The following ERC2 variants were observed in gnomAD, a reference collection of about 807,000 sequenced individuals.
ERC2 encodes the protein ERC protein 2.
In ERC2, 42 loss-of-function variants were observed where a neutral mutation model predicts 114.8. The observed-to-expected ratio is 0.37, with a 90% CI of 0.29 to 0.47. The LOEUF is 0.47. ERC2 is among the 20% of genes least tolerant of loss of function. The pLI is 0.99. For missense variants in ERC2, 939 were observed against 1,150.7 expected, an observed-to-expected ratio of 0.82 and a Z score of 2.66; for synonymous variants, 454 against 425.5, an observed-to-expected ratio of 1.07 and a Z score of -0.82.
intron 17 of ERC2, among the ~76,000 whole-genome samples, chr3:55,539,262 A>G (rs1381512766): frequency 6.6e-6 from 1 of 152,164 alleles, no homozygotes; most frequent in Non-Finnish European, 1.5e-5. Context: ...CATGTTCATC[A>G]GGTTGAGGCT....
intron 7 of ERC2, among the ~76,000 whole-genome samples, chr3:56,043,999 C>T (rs1282353420): frequency 1.3e-5 from 2 of 152,140 alleles, no homozygotes; most frequent in Admixed American, 1.3e-4. Flanking sequence ...CTCAGGAATG[C>T]TTCTTAAGTA....
In ERC2 at chr3:55,776,604, G is replaced by C. The variant is rs1054604136; in HGVS notation, c.2565-41686C>G. Among the ~76,000 whole-genome samples, 8 of 152,276 alleles carry C rather than the reference G, an allele frequency of 5.3e-5. 2 individuals carry two copies. The South Asian group carries it at 1.5e-3, about 28-fold the overall frequency. On this transcript the variant is annotated intron_variant, in intron 14 of 17. Transcript: ENST00000288221. ...GTTACTCATGTGAGCCTGGGGGTAC[G>C]GAAAGGGGCTGGGAAGGGTCAAGCT...
Position 55,957,735 on chromosome 3 carries a change from G to C in ERC2, c.2268-7175C>G, listed in dbSNP as rs143079321. ...TGTTCCAGCTGCAGTGGGGAGGAGG[G>C]GGGGGCAGCTCCAGGCGCCTGCTCC... On this transcript the variant is annotated intron_variant, in intron 12 of 17. Transcript: ENST00000288221. Among the ~76,000 whole-genome samples the C allele has an allele frequency of 5.0e-3, 760 of 152,302 alleles. 2 individuals carry two copies. Among genetic ancestry groups the C allele is most frequent in the Middle Eastern group, 0.01 (3 of 294 alleles).
chr3:55,668,392 A>G (rs1194441000), intron 17 of ERC2, among the ~76,000 whole-genome samples: 3 of 152,214 alleles, frequency 2.0e-5, no homozygotes, highest in African/African-American at 7.2e-5. Context: ...AAAATGGGGC[A>G]ACCTAAGACC....
At chr3:55,845,235 T>C (rs1323993390) in intron 14 of ERC2, among the ~76,000 whole-genome samples, 1 of 152,128 alleles carries the variant, frequency 6.6e-6, no homozygotes, top group Non-Finnish European at 1.5e-5. Context: ...CCAGGCGCGG[T>C]GGCTCACGCC....
At chr3:56,143,285 G>A (rs1045512039) in intron 5 of ERC2, among the ~76,000 whole-genome samples, 2 of 152,124 alleles carry the variant, frequency 1.3e-5, no homozygotes, top group African/African-American at 2.4e-5. Context: ...GAAAACCAGA[G>A]CTCAAGTTCA....
In ERC2 at chr3:55,508,720, T is replaced by A. The variant is rs1297954946; in HGVS notation, c.*2596A>T. Reference sequence around the variant, plus strand: ...TCATAAACACTGTTTAAAAAGTAAATTGAAACCCACTTTCAAATGAAAGTT... The same window carrying A: ...TCATAAACACTGTTTAAAAAGTAAAATGAAACCCACTTTCAAATGAAAGTT... On this transcript the variant is annotated 3_prime_UTR_variant, in exon 18 of 18. Coordinates refer to ENST00000288221, the MANE Select transcript of ERC2 (RefSeq NM_015576.3). 1 of 152,438 alleles carries A rather than the reference T, an allele frequency of 6.6e-6. No homozygotes were observed. 9.4% of individuals were successfully genotyped at this position (152,438 alleles called of 1,614,324 possible). A position where few individuals can be genotyped will look rare whatever the true frequency, so the allele number is the denominator to read the frequency against.
intron 17 of ERC2, among the ~76,000 whole-genome samples, chr3:55,585,701 G>A (rs964462193): frequency 6.6e-6 from 1 of 152,172 alleles, no homozygotes; most frequent in African/African-American, 2.4e-5. Context: ...AGTCATCCAG[G>A]CCAAGGGTAA....
intron 14 of ERC2, among the ~76,000 whole-genome samples, chr3:55,812,736 T>C (rs2059766328): frequency 6.6e-6 from 1 of 152,228 alleles, no homozygotes; most frequent in South Asian, 2.1e-4. Flanking sequence ...GTCATGGGTG[T>C]ATCTCAGGGC....
At chr3:55,747,370 G>A (rs1266361301) in intron 14 of ERC2, among the ~76,000 whole-genome samples, 1 of 152,024 alleles carries the variant, frequency 6.6e-6, no homozygotes, top group Non-Finnish European at 1.5e-5. Flanking sequence ...GACAGTCTCA[G>A]CATTTCTGTA....
intron 2 of ERC2, among the ~76,000 whole-genome samples, chr3:56,298,467 A>G (rs1001446309): frequency 2.6e-5 from 4 of 152,186 alleles, no homozygotes; most frequent in Non-Finnish European, 4.4e-5. Context: ...TTAACAACCC[A>G]TTTGTCAATC....
chr3:56,111,680 A>C (rs1042129757), intron 6 of ERC2, among the ~76,000 whole-genome samples: 1 of 152,328 alleles, frequency 6.6e-6, no homozygotes, highest in Admixed American at 6.5e-5. Context: ...AAATTCATTC[A>C]TAGGATTTCA....
chr3:56,216,829 G>A (rs2049512811), intron 3 of ERC2, among the ~76,000 whole-genome samples: 1 of 152,142 alleles, frequency 6.6e-6, no homozygotes, highest in South Asian at 2.1e-4. Context: ...ATGCAAGGCT[G>A]GTTCAACAAA....
intron 15 of ERC2, among the ~76,000 whole-genome samples, chr3:55,731,880 C>G (rs562244920): frequency 6.6e-6 from 1 of 152,302 alleles, no homozygotes; most frequent in Non-Finnish European, 1.5e-5. Flanking sequence ...GCAGAACCCA[C>G]TGTTTATGAA....
intron 13 of ERC2, among the ~76,000 whole-genome samples, chr3:55,897,039 G>A (rs62253667): frequency 0.099 from 15,072 of 152,202 alleles, 906 homozygotes; most frequent in South Asian, 0.16. Flanking sequence ...CAGTGTTTAC[G>A]CATGGCTCTG....
intron 14 of ERC2, among the ~76,000 whole-genome samples, chr3:55,759,037 A>T (rs2067242145): frequency 6.6e-6 from 1 of 152,188 alleles, no homozygotes; most frequent in Non-Finnish European, 1.5e-5. Context: ...TTGCAGAGGA[A>T]TTTTAATTTG....
chr3:55,973,903 T>C (rs1194894703), intron 12 of ERC2, among the ~76,000 whole-genome samples: 1 of 152,222 alleles, frequency 6.6e-6, no homozygotes, highest in East Asian at 1.9e-4. Flanking sequence ...AAAAATAGCA[T>C]TTAAAATGTA....
chr3:55,637,696 G>T (rs1386830324), intron 17 of ERC2, among the ~76,000 whole-genome samples: 3 of 151,972 alleles, frequency 2.0e-5, no homozygotes, highest in Non-Finnish European at 4.4e-5. Context: ...AGTTTTTTTT[G>T]TTAACTCCCT....
intron 17 of ERC2, among the ~76,000 whole-genome samples, chr3:55,517,816 G>A (rs2052634860): frequency 6.6e-6 from 1 of 152,220 alleles, no homozygotes; most frequent in African/African-American, 2.4e-5. Context: ...TGAAATAAAA[G>A]ATCAGATATC....
Sources: gnomAD v4.1 joint callset for allele counts (sites outside exome capture counted in the v4.1 genomes callset) on GRCh38, gnomAD v4.1.1 for gene constraint, MANE v1.5 for transcripts, NCBI Gene and HGNC (gene_info 2026-07-23, HGNC 2026-07-21) for gene names.